The following SOX8 variants were observed in gnomAD, a reference collection of about 807,000 sequenced individuals.
SOX8 encodes SRY-box transcription factor 8.
A neutral mutation model predicts 22.9 loss-of-function variants in SOX8; 9 were observed. The ratio of observed to expected loss-of-function variants is 0.39; its 90% CI spans 0.24 to 0.69. The LOEUF (loss-of-function observed/expected upper bound fraction) is 0.69, where lower values mean the gene tolerates loss of function less well. Ranked by LOEUF, SOX8 falls within the 30% of genes least tolerant of loss-of-function variation. SOX8 has a pLI of 0.43. For missense variants in SOX8, 734 were observed against 699.4 expected, an observed-to-expected ratio of 1.05 and a Z score of -0.56; for synonymous variants, 416 against 330.6, an observed-to-expected ratio of 1.26 and a Z score of -2.80.
rs139319984 is a variant in SOX8 at position 984,850 on chromosome 16, C to T, written c.805C>T (p.Leu269Phe). Residue 269 changes from leucine to phenylalanine, a missense_variant, in exon 3 of 3, where the codon CTC becomes TTC. Coordinates refer to ENST00000293894, the MANE Select transcript of SOX8 (RefSeq NM_014587.5). ...CTTCAGCAACGTGGACATCTCGGAG[C>T]TCAGCAGCGAGGTCATGGGCACCAT... is the stretch of plus-strand genomic sequence containing the variant. Reference protein sequence around the residue: ...IDFSNVDISELSSEVMGTMDA... With the variant: ...IDFSNVDISEFSSEVMGTMDA... The T allele has an allele frequency of 6.2e-7, 1 of 1,612,070 alleles. No individual in the cohort carries two copies. Among genetic ancestry groups the T allele is most frequent in the African/African-American group, 1.3e-5 (1 of 74,868 alleles).
At position 983,643 on chromosome 16, in the gene SOX8, T is replaced by C. The variant is rs905205597; in HGVS notation, c.423-85T>C. ...GTCAGAGCCTCCTGGCCCCGGCCTC[T>C]GCTGCCGGTTCCCCCTGTGGTGTGT... On this transcript the variant is annotated intron_variant, in intron 1 of 2. Coordinates refer to ENST00000293894, the MANE Select transcript of SOX8 (RefSeq NM_014587.5). 5 of 1,311,726 alleles carry C rather than the reference T, an allele frequency of 3.8e-6. No individual in the cohort carries two copies. In the African/African-American group the frequency reaches 4.4e-5, roughly 12 times the overall value. 81.3% of individuals were successfully genotyped at this position (1,311,726 alleles called of 1,614,324 possible).
At chr16:984,646 C>T in intron 2 of SOX8, 55 bp from the exon 3 acceptor site, 3 of 1,224,208 alleles carry the variant, frequency 2.5e-6, no homozygotes, top group Non-Finnish European at 3.3e-6. Flanking sequence ...CTGGCCGGCC[C>T]CACCCGCCCC....
In SOX8 at chr16:986,596, C is replaced by G. The variant is rs2151523352; in HGVS notation, c.*1210C>G. 1 of 152,558 alleles carries G rather than the reference C, an allele frequency of 6.6e-6. No homozygotes were observed. Among genetic ancestry groups the G allele is most frequent in the East Asian group, 1.9e-4 (1 of 5,182 alleles). The allele number at this position is 152,558 out of a possible 1,614,324, so 9.5% of individuals were successfully genotyped here. On this transcript the variant is annotated 3_prime_UTR_variant, in exon 3 of 3. Coordinates refer to ENST00000293894, the MANE Select transcript of SOX8 (RefSeq NM_014587.5). ...TCTCCACTAAACGTCGTTAGGGCCT[C>G]AGTTCTAGACGAGTCATACCTGATT...
rs1191299158 is a variant in SOX8 at position 981,902 on chromosome 16, G to T, written c.-21G>T. 6.6e-6 allele frequency: 8 copies of T among 1,220,802 alleles called. No individual in the cohort carries two copies. Among genetic ancestry groups the T allele is most frequent in the African/African-American group, 3.2e-5 (2 of 62,226 alleles). The allele number at this position is 1,220,802 out of a possible 1,614,324, so 75.6% of individuals were successfully genotyped here. ...GCCCCGGTGCGCGTCTCCTGTGCGC[G>T]CCCCTCCGCGCGCGGCCCCGATGCT... On this transcript the variant is annotated 5_prime_UTR_variant, in exon 1 of 3. Coordinates refer to ENST00000293894, the MANE Select transcript of SOX8 (RefSeq NM_014587.5).
rs200828189 is a variant in SOX8 at position 985,162 on chromosome 16, G to A, written c.1117G>A (p.Ala373Thr). 3.7e-6 allele frequency: 6 copies of A among 1,607,300 alleles called. No individual in the cohort carries two copies. In the Admixed American group the frequency reaches 8.4e-5, roughly 22 times the overall value. Reference protein sequence around the residue: ...GQSSATPAAPAGPFAGSQGDY... With the variant: ...GQSSATPAAPTGPFAGSQGDY... Reference sequence around the variant, plus strand: ...GTCCAGCGCCACCCCGGCCGCCCCCGCCGGCCCCTTCGCCGGCTCACAGGG... The same window carrying A: ...GTCCAGCGCCACCCCGGCCGCCCCCACCGGCCCCTTCGCCGGCTCACAGGG... Residue 373 changes from alanine (A) to threonine (T), a missense_variant, in exon 3 of 3, where the codon GCC (alanine) becomes ACC (threonine). By Grantham distance (58) the Ala-to-Thr change is moderately conservative. Around this residue, in one of 3 missense-constraint regions of SOX8, gnomAD observed 588 missense variants for 568.2 expected, o/e 1.03. Coordinates refer to ENST00000293894, the MANE Select transcript of SOX8 (RefSeq NM_014587.5).
rs1483440051 is a variant in SOX8 at position 985,665 on chromosome 16, C to T, written c.*279C>T. 1.9e-5 allele frequency: 8 copies of T among 431,500 alleles called. No homozygotes were observed. Among genetic ancestry groups the T allele is most frequent in the African/African-American group, 4.1e-5 (2 of 48,354 alleles). The allele number at this position is 431,500 out of a possible 1,614,324, so 26.7% of individuals were successfully genotyped here. Reference sequence around the variant, plus strand: ...TTGGTCCCTCTTCCGTGAGGACTGGCGGCACCAGCACCTTCGCTTTGCATC... The same window carrying T: ...TTGGTCCCTCTTCCGTGAGGACTGGTGGCACCAGCACCTTCGCTTTGCATC... On this transcript the variant is annotated 3_prime_UTR_variant, in exon 3 of 3. Coordinates refer to ENST00000293894, the MANE Select transcript of SOX8 (RefSeq NM_014587.5).
chr16:985,261 C>T lies in SOX8; in HGVS notation c.1216C>T (p.Pro406Ser), dbSNP rs191800132. 6.8e-6 allele frequency: 11 copies of T among 1,612,086 alleles called. No homozygotes were observed. The highest frequency in any genetic ancestry group is 2.7e-5 in the African/African-American group (2 of 75,044). Residue 406 changes from proline to serine, a missense_variant, in exon 3 of 3, where the codon CCC (proline) becomes TCC (serine). By Grantham distance (74) the Pro-to-Ser change is moderately conservative (BLOSUM62 -1). Transcript: ENST00000293894. ...PGYAPGLYQYPCFHSPRRPYA... is the reference protein window; with the variant it reads ...PGYAPGLYQYSCFHSPRRPYA... ...CTACGCACCCGGCCTCTACCAGTACCCCTGCTTCCACTCGCCGCGCCGGCC... is the reference window on the plus strand; with the variant it reads ...CTACGCACCCGGCCTCTACCAGTACTCCTGCTTCCACTCGCCGCGCCGGCC...
chr16:984,614 CG>C, intron 2 of SOX8, 86 bp from the exon 3 acceptor site: 1 of 792,630 alleles, frequency 1.3e-6, no homozygotes, highest in African/African-American at 1.8e-5. Context: ...GCAGTTAGCG[CG>C]GGCGTCCCTC....
chr16:983,812 C>T lies in SOX8; in HGVS notation c.507C>T (p.Tyr169=). ...RVQHKKDHPD[Y]KYQPRRRKSA... The stretch of plus-strand genomic sequence containing the variant: ...AGCACAAGAAGGACCACCCCGACTA[C>T]AAGTACCAGCCACGGCGCAGGAAGA... Residue 169 remains tyrosine (Y), a synonymous_variant, in exon 2 of 3, where the codon TAC becomes TAT. Transcript: ENST00000293894. 6.2e-7 allele frequency: 1 copy of T among 1,612,860 alleles called. No homozygotes were observed. Among genetic ancestry groups the T allele is most frequent in the South Asian group, 1.1e-5 (1 of 91,078 alleles).
rs866281747 is a variant in SOX8, at chr16:982,011, C to A, written c.89C>A (p.Ser30Ter). 7.1e-7 allele frequency: 1 copy of A among 1,410,916 alleles called. No homozygotes were observed. 87.4% of individuals were successfully genotyped at this position (1,410,916 alleles called of 1,614,324 possible). ...SSMSHVEDSD[S>*]DAPPSPAGSE... ...ATGTCGCACGTGGAGGACTCGGACT[C>A]GGACGCGCCGCCGTCTCCCGCCGGC... Residue 30 changes from serine to a stop codon, truncating the protein, a stop_gained, in exon 1 of 3, where the codon TCG becomes TAG. Coordinates refer to ENST00000293894, the MANE Select transcript of SOX8 (RefSeq NM_014587.5). LOFTEE classifies it high-confidence loss of function.
At position 985,217 on chromosome 16, in the gene SOX8, ACTATGGTGCCTACCCTGG is replaced by A; in HGVS notation, c.1176_1193del (p.Gly393_Tyr398del). On this transcript the variant is annotated inframe_deletion, in exon 3 of 3. Coordinates refer to ENST00000293894, the MANE Select transcript of SOX8 (RefSeq NM_014587.5). Reference sequence around the variant, plus strand: ...TATGGCGACCTGCAGGCCTCCAGCTACTATGGTGCCTACCCTGGCTACGCACCCGGCCTCTACCAGTAC... The same window carrying A: ...TATGGCGACCTGCAGGCCTCCAGCTACTACGCACCCGGCCTCTACCAGTAC... The A allele has an allele frequency of 6.2e-7, 1 of 1,611,918 alleles. No individual in the cohort carries two copies. The highest frequency in any genetic ancestry group is 8.5e-7 in the Non-Finnish European group (1 of 1,179,526).
rs1256623064 is a variant in SOX8, at chr16:983,658, C to T, written c.423-70C>T. 3 of 1,443,372 alleles carry T rather than the reference C, an allele frequency of 2.1e-6. No homozygotes were observed. The East Asian group carries it at 7.0e-5, about 33-fold the overall frequency. 89.4% of individuals were successfully genotyped at this position (1,443,372 alleles called of 1,614,324 possible). A position where few individuals can be genotyped will look rare whatever the true frequency, so the allele number is the denominator to read the frequency against. On this transcript the variant is annotated intron_variant, in intron 1 of 2. Transcript: ENST00000293894. ...CCCCGGCCTCTGCTGCCGGTTCCCCCTGTGGTGTGTGCCTGCGCCGAGGGC... is the reference window on the plus strand; with the variant it reads ...CCCCGGCCTCTGCTGCCGGTTCCCCTTGTGGTGTGTGCCTGCGCCGAGGGC...
At chr16:982,663 T>G in intron 1 of SOX8, 1 of 276,566 alleles carries the variant, frequency 3.6e-6, no homozygotes. Flanking sequence ...CACCCCGACG[T>G]GCCCTCCAGC....
chr16:982,458 C>G (rs2073405012), intron 1 of SOX8, 114 bp downstream of exon 1: 8 of 1,125,448 alleles, frequency 7.1e-6, no homozygotes, highest in Non-Finnish European at 9.1e-6. Context: ...CACACGCAGG[C>G]TCCGGGCTCT....
Position 981,912 on chromosome 16 carries a change from G to A in SOX8, c.-11G>A. 1 of 1,247,988 alleles carries A rather than the reference G, an allele frequency of 8.0e-7. No homozygotes were observed. The highest frequency in any genetic ancestry group is 1.0e-6 in the Non-Finnish European group (1 of 994,674). The allele number at this position is 1,247,988 out of a possible 1,614,324, so 77.3% of individuals were successfully genotyped here. A position where few individuals can be genotyped will look rare whatever the true frequency, so the allele number is the denominator to read the frequency against. On this transcript the variant is annotated 5_prime_UTR_variant, in exon 1 of 3. Transcript: ENST00000293894. ...GCGTCTCCTGTGCGCGCCCCTCCGC[G>A]CGCGGCCCCGATGCTGGACATGAGC...
At position 982,334 on chromosome 16, in the gene SOX8, A is replaced by C. The variant is rs1176977690; in HGVS notation, c.412A>C (p.Lys138Gln). The change falls in exon 1 of 3, where the codon AAG (lysine) becomes CAG (glutamine). Residue 138 changes from lysine to glutamine, a missense_variant. By Grantham distance (53) the Lys-to-Gln change is moderately conservative. Coordinates refer to ENST00000293894, the MANE Select transcript of SOX8 (RefSeq NM_014587.5). Reference protein sequence around the residue: ...HNAELSKTLGKLWRLLSESEK... With the variant: ...HNAELSKTLGQLWRLLSESEK... ...CGCCGAGCTCAGCAAGACGCTGGGC[A>C]AGCTGTGGCGGTGAGTGCCGGCGCC... The C allele has an allele frequency of 7.2e-7, 1 of 1,392,334 alleles. No individual in the cohort carries two copies. Among genetic ancestry groups the C allele is most frequent in the Non-Finnish European group, 9.4e-7 (1 of 1,067,690 alleles). 86.2% of individuals were successfully genotyped at this position (1,392,334 alleles called of 1,614,324 possible). A position where few individuals can be genotyped will look rare whatever the true frequency, so the allele number is the denominator to read the frequency against.
Position 985,286 on chromosome 16 carries a change from C to G in SOX8, c.1241C>G (p.Pro414Arg). 1.9e-6 allele frequency: 3 copies of G among 1,611,102 alleles called. No individual in the cohort carries two copies. The highest frequency in any genetic ancestry group is 2.5e-6 in the Non-Finnish European group (3 of 1,179,604). The change falls in exon 3 of 3, where the codon CCC becomes CGC. Residue 414 changes from proline to arginine, a missense_variant. Transcript: ENST00000293894. ...QYPCFHSPRR[P>R]YASPLLNGLA... ...CCCTGCTTCCACTCGCCGCGCCGGC[C>G]CTACGCCTCACCCCTGCTCAACGGC...
intron 1 of SOX8, 54 bp from the exon 2 acceptor site, chr16:983,674 C>T (rs1020056460): frequency 5.2e-5 from 79 of 1,529,602 alleles, no homozygotes; most frequent in Non-Finnish European, 6.5e-5. Context: ...TGTGTGCCTG[C>T]GCCGAGGGCA....
Position 985,405 on chromosome 16 carries a change from G to T in SOX8, c.*19G>T. The T allele has an allele frequency of 6.7e-7, 1 of 1,503,576 alleles. No individual in the cohort carries two copies. Among genetic ancestry groups the T allele is most frequent in the South Asian group, 1.3e-5 (1 of 79,444 alleles). The allele number at this position is 1,503,576 out of a possible 1,614,324, so 93.1% of individuals were successfully genotyped here. On this transcript the variant is annotated 3_prime_UTR_variant, in exon 3 of 3. Coordinates refer to ENST00000293894, the MANE Select transcript of SOX8 (RefSeq NM_014587.5). ...GCCCTGAGGGCCCAGCCGCGGGGAG[G>T]GACTCGCAGGCGTCAGGGGGCAGCC... is the stretch of plus-strand genomic sequence containing the variant.
Sources: allele counts gnomAD v4.1 joint callset, GRCh38; gene constraint gnomAD v4.1.1; regional missense constraint gnomAD v4.1.1; transcripts MANE v1.5; gene names NCBI Gene and HGNC (gene_info 2026-07-23, HGNC 2026-07-21).